The following ZFHX3 variants were observed in gnomAD, a reference collection of about 807,000 sequenced individuals.
The protein encoded by ZFHX3 is zinc finger homeobox protein 3.
A neutral mutation model predicts 279.1 loss-of-function variants in ZFHX3; 42 were observed. That is an observed-to-expected ratio of 0.15 (90% CI 0.12 to 0.19). The LOEUF is 0.19. Ranked by LOEUF, ZFHX3 falls within the 10% of genes least tolerant of loss-of-function variation. The pLI is 1.00. For synonymous variants in ZFHX3, 2,293 were observed against 1,957.8 expected (o/e 1.17, Z -4.52); for missense variants, 4,981 against 4,754.0 (o/e 1.05, Z -1.40).
chr16:73,444,041 G>A (rs563863095), intron 3 of ZFHX3, among the ~76,000 whole-genome samples: 66 of 152,280 alleles, frequency 4.3e-4, no homozygotes, highest in Admixed American at 3.6e-3. Flanking sequence ...GATTACAGGC[G>A]TGAGCCACCA....
At chr16:73,515,606 G>A (rs2019507611) in intron 2 of ZFHX3, among the ~76,000 whole-genome samples, 1 of 151,856 alleles carries the variant, frequency 6.6e-6, no homozygotes, top group Non-Finnish European at 1.5e-5. Context: ...AAGAGAGGGA[G>A]AGAAAGAGTT....
intron 2 of ZFHX3, among the ~76,000 whole-genome samples, chr16:73,542,700 G>A (rs2020040090): frequency 6.6e-6 from 1 of 152,288 alleles, no homozygotes; most frequent in African/African-American, 2.4e-5. Context: ...CCAGTTAAAT[G>A]TGAATTTTAG....
At chr16:73,557,094 C>CAAAAAAAAAAAAAAAAAAAAAAAAAAAA (rs397766441) in intron 2 of ZFHX3, among the ~76,000 whole-genome samples, 1 of 68,552 alleles carries the variant, frequency 1.5e-5, no homozygotes. Flanking sequence ...GACTCCGTCT[C>CAAAAAAAAAAAAAAAAAAAAAAAAAAAA]AAAAAAAAAA....
intron 1 of ZFHX3, among the ~76,000 whole-genome samples, chr16:73,036,261 G>C (rs934852614): frequency 1.3e-5 from 2 of 152,188 alleles, no homozygotes; most frequent in African/African-American, 2.4e-5. Flanking sequence ...GGGATCACAA[G>C]GCCAGTCTCA....
intron 3 of ZFHX3, among the ~76,000 whole-genome samples, chr16:73,423,789 G>C (rs1386587844): frequency 6.6e-6 from 1 of 151,862 alleles, no homozygotes; most frequent in Admixed American, 6.6e-5. Context: ...TTGAACCTGG[G>C]AGGTGGAGGT....
chr16:73,140,260 C>CA (rs1327948182), intron 6 of ZFHX3, among the ~76,000 whole-genome samples: 4 of 150,182 alleles, frequency 2.7e-5, no homozygotes, highest in South Asian at 2.1e-4. Flanking sequence ...AACCCTGTCT[C>CA]AAAAAAAAGG....
At chr16:73,131,470 G>A (rs1195336319) in intron 6 of ZFHX3, among the ~76,000 whole-genome samples, 1 of 152,154 alleles carries the variant, frequency 6.6e-6, no homozygotes, top group East Asian at 1.9e-4. Flanking sequence ...GGGCTTTGAG[G>A]GCACGTCTGA....
At chr16:73,032,011 T>C (rs1201804650) in intron 1 of ZFHX3, among the ~76,000 whole-genome samples, 2 of 152,160 alleles carry the variant, frequency 1.3e-5, no homozygotes, top group African/African-American at 2.4e-5. Context: ...AAATGTGTCC[T>C]ACTCTAGTAG....
chr16:72,975,242 G>A (rs961997463), intron 1 of ZFHX3, among the ~76,000 whole-genome samples: 1 of 152,152 alleles, frequency 6.6e-6, no homozygotes, highest in African/African-American at 2.4e-5. Flanking sequence ...AGGAGTTCAA[G>A]ACAAGCCTGG....
At chr16:72,992,411 G>C (rs895042217) in intron 1 of ZFHX3, among the ~76,000 whole-genome samples, 1 of 152,160 alleles carries the variant, frequency 6.6e-6, no homozygotes, top group African/African-American at 2.4e-5. Context: ...GAGGACCTCC[G>C]GCTGACCTTT....
At chr16:72,834,638 G>A (rs994089600) in intron 4 of ZFHX3, among the ~76,000 whole-genome samples, 2 of 152,070 alleles carry the variant, frequency 1.3e-5, no homozygotes, top group Non-Finnish European at 2.9e-5. Context: ...CAGCCCCATG[G>A]GAATTTGCAC....
At chr16:73,774,700 C>T (rs968148193) in intron 1 of ZFHX3, among the ~76,000 whole-genome samples, 4 of 152,118 alleles carry the variant, frequency 2.6e-5, no homozygotes, top group African/African-American at 9.7e-5. Flanking sequence ...ACTAAGCCAC[C>T]GATGGTAACT....
intron 2 of ZFHX3, among the ~76,000 whole-genome samples, chr16:73,494,720 C>T (rs932098923): frequency 2.1e-5 from 3 of 142,564 alleles, no homozygotes; most frequent in South Asian, 2.4e-4. Context: ...CCACCATGAC[C>T]GGCTAATTTT....
intron 1 of ZFHX3, among the ~76,000 whole-genome samples, chr16:73,018,683 T>G (rs1364459061): frequency 1.3e-5 from 2 of 152,146 alleles, no homozygotes; most frequent in South Asian, 4.1e-4. Context: ...CACCCCAGGC[T>G]TGGCTGTGTG....
intron 1 of ZFHX3, among the ~76,000 whole-genome samples, chr16:73,785,558 A>G (rs971239642): frequency 2.0e-5 from 3 of 152,102 alleles, no homozygotes; most frequent in Non-Finnish European, 4.4e-5. Context: ...CTGGTGTTCA[A>G]TCACCTATTC....
chr16:73,472,551 G>T (rs1463999845), intron 2 of ZFHX3, among the ~76,000 whole-genome samples: 2 of 152,184 alleles, frequency 1.3e-5, no homozygotes, highest in Non-Finnish European at 2.9e-5. Flanking sequence ...GAGTGCCTGA[G>T]TCAGGAGGGT....
intron 5 of ZFHX3, among the ~76,000 whole-genome samples, chr16:73,250,936 A>T (rs1244424061): frequency 6.6e-6 from 1 of 151,710 alleles, no homozygotes; most frequent in Non-Finnish European, 1.5e-5. Context: ...CCTCCCTCCT[A>T]CATTTCATCT....
At chr16:73,417,263 T>G (rs1010039346) in intron 3 of ZFHX3, among the ~76,000 whole-genome samples, 1 of 152,054 alleles carries the variant, frequency 6.6e-6, no homozygotes, top group Non-Finnish European at 1.5e-5. Context: ...AGCTAAAAGC[T>G]GTCTTACATT....
chr16:73,349,655 TC>T (rs2016192127), intron 3 of ZFHX3, among the ~76,000 whole-genome samples: 1 of 9,012 alleles, frequency 1.1e-4, no homozygotes, highest in African/African-American at 3.6e-4. Context: ...CCTCTCTCCC[TC>T]CTTCCCTCTC....
Sources: allele counts gnomAD v4.1 joint callset (sites outside exome capture counted in the v4.1 genomes callset), GRCh38; gene constraint gnomAD v4.1.1; transcripts MANE v1.5; gene names NCBI Gene and HGNC (gene_info 2026-07-23, HGNC 2026-07-21).